Variants in STK24 observed in about 807,000 individuals in gnomAD.
STK24 encodes serine/threonine-protein kinase 24.
In STK24, 21 loss-of-function variants were observed where a neutral mutation model predicts 55.6. The observed-to-expected ratio is 0.38, with a 90% CI of 0.27 to 0.54. The LOEUF (loss-of-function observed/expected upper bound fraction) is 0.54, where lower values mean the gene tolerates loss of function less well. STK24 is among the 20% of genes least tolerant of loss of function. STK24 has a pLI of 0.79. For synonymous variants in STK24, 200 were observed against 215.2 expected (o/e 0.93, Z 0.62); for missense variants, 383 against 538.4 (o/e 0.71, Z 2.86).
At chr13:98,521,382 T>G (rs1207807247) in intron 1 of STK24, among the ~76,000 whole-genome samples, 1 of 152,202 alleles carries the variant, frequency 6.6e-6, no homozygotes, top group Admixed American at 6.5e-5. Flanking sequence ...TTACAGGTTT[T>G]AAAAAACACA....
intron 2 of STK24, among the ~76,000 whole-genome samples, chr13:98,494,412 C>CAAAAAAAAAAAAAAAAAAAAAACA (rs1162677599): frequency 1.5e-5 from 1 of 66,726 alleles, no homozygotes; most frequent in African/African-American, 5.3e-5. Flanking sequence ...AGACTCGTCT[C>CAAAAAAAAAAAAAAAAAAAAAACA]AAAAAAAAAA....
intron 1 of STK24, among the ~76,000 whole-genome samples, chr13:98,535,753 A>G (rs1896713517): frequency 6.6e-6 from 1 of 152,208 alleles, no homozygotes; most frequent in Non-Finnish European, 1.5e-5. Flanking sequence ...TTTAAGGATC[A>G]TGGGTCATTC....
At chr13:98,522,672 T>G (rs914939878) in intron 1 of STK24, among the ~76,000 whole-genome samples, 3 of 152,214 alleles carry the variant, frequency 2.0e-5, no homozygotes, top group African/African-American at 7.2e-5. Context: ...AGCCCTCTGC[T>G]CTGCGCTGTC....
At position 98,496,479 on chromosome 13, in the gene STK24, G is replaced by A. The variant is rs149269716; in HGVS notation, c.274-14158C>T. 6.1e-4 allele frequency among the ~76,000 whole-genome samples: 93 copies of A among 152,290 alleles called. 1 individual carries two copies. The East Asian group carries it at 0.017, about 27-fold the overall frequency. On this transcript the variant is annotated intron_variant, in intron 2 of 10. Transcript: ENST00000539966. Reference sequence around the variant, plus strand: ...CTGGGCCCCGGTGGGCTGTGGCTGCGCAACCAGAAACCAATGACTAGGGTA... The same window carrying A: ...CTGGGCCCCGGTGGGCTGTGGCTGCACAACCAGAAACCAATGACTAGGGTA...
Position 98,452,915 on chromosome 13 carries a change from A to T in STK24, c.*258T>A, listed in dbSNP as rs1402800929. The T allele has an allele frequency of 2.5e-6, 1 of 404,830 alleles. No individual in the cohort carries two copies. The highest frequency in any genetic ancestry group is 4.4e-6 in the Non-Finnish European group (1 of 228,662). The allele number at this position is 404,830 out of a possible 1,614,324, so 25.1% of individuals were successfully genotyped here. On this transcript the variant is annotated 3_prime_UTR_variant, in exon 11 of 11. Transcript: ENST00000539966. ...TTCCTGGAATATGTGCACTATGGTT[A>T]AAATTAAAAACAAAAGTAATAAAAT...
chr13:98,535,369 AAATATATAT>A (rs1896695406), intron 1 of STK24, among the ~76,000 whole-genome samples: 3 of 77,124 alleles, frequency 3.9e-5, no homozygotes, highest in South Asian at 4.3e-4. Context: ...AACAAAAAAA[AAATATATAT>A]ATATATATAT....
At chr13:98,573,578 A>G (rs776605618) in intron 1 of STK24, among the ~76,000 whole-genome samples, 2 of 152,204 alleles carry the variant, frequency 1.3e-5, no homozygotes, top group African/African-American at 4.8e-5. Context: ...ATTCAGATCT[A>G]CCACTTTCAA....
chr13:98,509,465 A>C (rs1346572589), intron 2 of STK24, among the ~76,000 whole-genome samples: 2 of 152,086 alleles, frequency 1.3e-5, no homozygotes, highest in Non-Finnish European at 1.5e-5. Context: ...CCACTACTGA[A>C]AACAGTCTCA....
In STK24 at chr13:98,493,463, A is replaced by G. The variant is rs1224646262; in HGVS notation, c.274-11142T>C. On this transcript the variant is annotated intron_variant, in intron 2 of 10. Coordinates refer to ENST00000539966, the MANE Select transcript of STK24 (RefSeq NM_001032296.4). Reference sequence around the variant, plus strand: ...AAGAAACAACAAAGAGAAGCAGGAAAAAGTACCCTGGGAGGCAAGAGAGAG... The same window carrying G: ...AAGAAACAACAAAGAGAAGCAGGAAGAAGTACCCTGGGAGGCAAGAGAGAG... Among the ~76,000 whole-genome samples, 6 of 152,242 alleles carry G rather than the reference A, an allele frequency of 3.9e-5. No individual in the cohort carries two copies. In the East Asian group the frequency reaches 7.7e-4, roughly 20 times the overall value.
chr13:98,474,845 G>A lies in STK24; in HGVS notation c.573C>T (p.Ile191=). The A allele has an allele frequency of 6.2e-7, 1 of 1,613,452 alleles. No homozygotes were observed. The highest frequency in any genetic ancestry group is 2.2e-5 in the East Asian group (1 of 44,860). The part of the protein sequence containing the change: ...GTPFWMAPEV[I]KQSAYDSKAD... The stretch of plus-strand genomic sequence containing the variant: ...CCTTCGAGTCATAGGCCGACTGTTT[G>A]ATGACCTCGGGTGCCATCCAGAATG... The change falls in exon 5 of 11, where the codon ATC becomes ATT. Residue 191 remains isoleucine, a synonymous_variant. Coordinates refer to ENST00000539966, the MANE Select transcript of STK24 (RefSeq NM_001032296.4).
At chr13:98,499,187 G>A (rs779932810) in intron 2 of STK24, among the ~76,000 whole-genome samples, 6 of 151,946 alleles carry the variant, frequency 3.9e-5, no homozygotes, top group South Asian at 2.1e-4. Context: ...GCAGGGAGCC[G>A]AGATTTTACC....
intron 2 of STK24, among the ~76,000 whole-genome samples, chr13:98,503,135 G>C (rs1444348635): frequency 7.0e-6 from 1 of 143,774 alleles, no homozygotes; most frequent in Non-Finnish European, 1.5e-5. Flanking sequence ...TTCAACAGGA[G>C]ATCCCAATTT....
At chr13:98,504,838 A>G (rs1282361392) in intron 2 of STK24, among the ~76,000 whole-genome samples, 1 of 152,174 alleles carries the variant, frequency 6.6e-6, no homozygotes, top group Non-Finnish European at 1.5e-5. Flanking sequence ...ACATGTGCAC[A>G]AGGTGTGGAT....
intron 1 of STK24, among the ~76,000 whole-genome samples, chr13:98,543,479 G>T (rs555462577): frequency 6.7e-4 from 102 of 152,292 alleles, no homozygotes; most frequent in Admixed American, 5.5e-3. Context: ...ATTCTGGTGC[G>T]TAATAAAGGC....
At position 98,453,207 on chromosome 13, in the gene STK24, T is replaced by A; in HGVS notation, c.1262A>T (p.Tyr421Phe). The change falls in exon 11 of 11, where the codon TAC becomes TTC. Residue 421 changes from tyrosine to phenylalanine, a missense_variant and splice_region_variant. Tyr to Phe is a conservative substitution (Grantham distance 22). Transcript: ENST00000539966. ...TGAAGTTCCTCCACCACTTAGAGAG[T>A]ATCTAGGGAAAAAGAGAGAGAGAGA... ...VAQLVQRLQR[Y>F]SLSGGGTSSH 1 of 1,612,506 alleles carries A rather than the reference T, an allele frequency of 6.2e-7. No individual in the cohort carries two copies. The highest frequency in any genetic ancestry group is 8.5e-7 in the Non-Finnish European group (1 of 1,179,390).
chr13:98,555,537 C>T (rs1225067561), intron 1 of STK24, among the ~76,000 whole-genome samples: 3 of 151,658 alleles, frequency 2.0e-5, no homozygotes, highest in Non-Finnish European at 4.4e-5. Context: ...CGAGATCGCA[C>T]CACTGCACTC....
chr13:98,453,227 G>A lies in STK24; in HGVS notation c.1260-18C>T. ...GAGAGTATCTAGGGAAAAAGAGAGA[G>A]AGAGAAGTCAACACATGTCATTTCT... On this transcript the variant is annotated intron_variant, in intron 10 of 10. Coordinates refer to ENST00000539966, the MANE Select transcript of STK24 (RefSeq NM_001032296.4). The A allele has an allele frequency of 2.5e-6, 4 of 1,611,688 alleles. No homozygotes were observed. Among genetic ancestry groups the A allele is most frequent in the Non-Finnish European group, 3.4e-6 (4 of 1,179,102 alleles).
intron 5 of STK24, among the ~76,000 whole-genome samples, chr13:98,474,185 T>C (rs952692495): frequency 6.6e-6 from 1 of 151,936 alleles, no homozygotes. Flanking sequence ...AAAAAGAATA[T>C]GAGAAAAATT....
At chr13:98,473,864 G>A (rs1894262064) in intron 5 of STK24, among the ~76,000 whole-genome samples, 3 of 152,256 alleles carry the variant, frequency 2.0e-5, no homozygotes, top group Admixed American at 6.5e-5. Context: ...TGGGTCTGCA[G>A]GGAAAGTCAC....
Sources: gnomAD v4.1 joint callset for allele counts (sites outside exome capture counted in the v4.1 genomes callset) on GRCh38, gnomAD v4.1.1 for gene constraint, MANE v1.5 for transcripts, NCBI Gene and HGNC (gene_info 2026-07-23, HGNC 2026-07-21) for gene names.